Variants in GRHL2 observed in about 807,000 individuals in gnomAD.
GRHL2 encodes grainyhead like transcription factor 2.
In GRHL2, 21 loss-of-function variants were observed where a neutral mutation model predicts 83.8. The observed-to-expected ratio is 0.25, with a 90% confidence interval of 0.18 to 0.36. GRHL2 has a LOEUF of 0.36. Among genes scored for constraint, GRHL2 ranks in the 10% least tolerant of loss-of-function variants. GRHL2 has a pLI of 1.00. For synonymous variants in GRHL2, 280 were observed against 278.9 expected, an observed-to-expected ratio of 1.00 and a Z score of -0.04; for missense variants, 623 against 781.8, an observed-to-expected ratio of 0.80 and a Z score of 2.42.
intron 1 of GRHL2, among the ~76,000 whole-genome samples, chr8:101,503,430 A>G (rs1440597471): frequency 1.3e-5 from 2 of 152,260 alleles, no homozygotes; most frequent in Non-Finnish European, 1.5e-5. Context: ...TACAGATGAT[A>G]TAACAGAGAT....
chr8:101,506,429 AAG>A (rs1367835465), intron 1 of GRHL2, among the ~76,000 whole-genome samples: 2 of 152,218 alleles, frequency 1.3e-5, no homozygotes, highest in African/African-American at 2.4e-5. Context: ...TGGTTTTACA[AAG>A]AGTGTGCAAA....
At position 101,599,150 on chromosome 8, in the gene GRHL2, A is replaced by T. The variant is rs775204214; in HGVS notation, c.1097A>T (p.Lys366Met). The change falls in exon 8 of 16, where the codon AAG (lysine) becomes ATG (methionine). Residue 366 changes from lysine to methionine, a missense_variant and splice_region_variant. Physicochemically the swap from Lys to Met is moderately conservative, Grantham distance 95 (BLOSUM62 -1). This residue lies in a region of GRHL2 where 96 missense variants were observed against 144.8 expected (regional missense o/e 0.66). Transcript: ENST00000646743. ...SFTWDVNEEA[K>M]IFITVNCLST... ...ACCTGGGACGTGAATGAAGAGGCGA[A>T]GGTGAGTGACATTGATTCATTGTTT... 6.3e-7 allele frequency: 1 copy of T among 1,591,662 alleles called. No homozygotes were observed. The highest frequency in any genetic ancestry group is 1.1e-5 in the South Asian group (1 of 90,596).
chr8:101,498,815 C>A (rs536071159), intron 1 of GRHL2, among the ~76,000 whole-genome samples: 13 of 152,128 alleles, frequency 8.5e-5, no homozygotes, highest in Admixed American at 5.2e-4. Flanking sequence ...GTGGCTCATG[C>A]CTGTAATCCT....
At chr8:101,661,985 G>C (rs113030723) in intron 14 of GRHL2, among the ~76,000 whole-genome samples, 1 of 152,094 alleles carries the variant, frequency 6.6e-6, no homozygotes, top group African/African-American at 2.4e-5. Flanking sequence ...TTTGCTTTGC[G>C]CTTTGAAATT....
chr8:101,579,800 C>T (rs1173683628), intron 7 of GRHL2, among the ~76,000 whole-genome samples: 3 of 152,146 alleles, frequency 2.0e-5, no homozygotes, highest in African/African-American at 7.2e-5. Flanking sequence ...TCTGCTTTAA[C>T]TCTGGAGTGT....
At chr8:101,513,354 G>A (rs895576324) in intron 1 of GRHL2, among the ~76,000 whole-genome samples, 6 of 152,066 alleles carry the variant, frequency 3.9e-5, no homozygotes, top group African/African-American at 1.4e-4. Flanking sequence ...GCATTATGGT[G>A]AGGTATATAA....
chr8:101,664,540 A>C, intron 15 of GRHL2, 22 bp downstream of exon 15: 1 of 1,553,306 alleles, frequency 6.4e-7, no homozygotes, highest in Non-Finnish European at 8.9e-7. Context: ...ACTGAACTTA[A>C]ATTGACTTTC....
At chr8:101,599,599 G>C (rs973338444) in intron 8 of GRHL2, among the ~76,000 whole-genome samples, 2 of 152,232 alleles carry the variant, frequency 1.3e-5, no homozygotes, top group African/African-American at 4.8e-5. Flanking sequence ...GCAGGCTGCA[G>C]GTCCCTGAGC....
chr8:101,528,967 T>C (rs1003819507), intron 1 of GRHL2: 1 of 322,812 alleles, frequency 3.1e-6, no homozygotes, highest in Non-Finnish European at 6.1e-6. Context: ...CACGGGTACA[T>C]GGACTTGTTC....
chr8:101,507,996 G>A (rs181389223), intron 1 of GRHL2, among the ~76,000 whole-genome samples: 14 of 152,012 alleles, frequency 9.2e-5, no homozygotes, highest in Non-Finnish European at 1.6e-4. Flanking sequence ...ATGTTGGCCA[G>A]GCTGGTCTCG....
chr8:101,553,623 C>CTTTTT (rs1184533206), intron 3 of GRHL2, among the ~76,000 whole-genome samples: 47 of 106,830 alleles, frequency 4.4e-4, no homozygotes, highest in Middle Eastern at 5.9e-3. Flanking sequence ...TCATCCACTT[C>CTTTTT]TTTTTTTTTT....
At chr8:101,509,810 C>A (rs1586404701) in intron 1 of GRHL2, among the ~76,000 whole-genome samples, 1 of 151,960 alleles carries the variant, frequency 6.6e-6, no homozygotes, top group Admixed American at 6.5e-5. Context: ...GTGATCCAAG[C>A]TATATCTTCT....
intron 8 of GRHL2, among the ~76,000 whole-genome samples, chr8:101,607,385 C>T (rs1204252470): frequency 6.6e-6 from 1 of 152,196 alleles, no homozygotes; most frequent in Non-Finnish European, 1.5e-5. Context: ...CTCCTGAGTG[C>T]CCTGTGGGTT....
chr8:101,549,351 C>A (rs543730657), intron 2 of GRHL2, among the ~76,000 whole-genome samples: 1 of 152,292 alleles, frequency 6.6e-6, no homozygotes, highest in Non-Finnish European at 1.5e-5. Context: ...ATAATAGCAA[C>A]ACGACAAGAT....
chr8:101,603,766 C>G (rs2211918), intron 8 of GRHL2, among the ~76,000 whole-genome samples: 77,309 of 151,878 alleles, frequency 0.51, 21,577 homozygotes, highest in African/African-American at 0.74. Context: ...CTCAGGGTCT[C>G]TGCAGGCTGG....
intron 15 of GRHL2, among the ~76,000 whole-genome samples, chr8:101,665,515 C>T (rs1364334945): frequency 6.6e-6 from 1 of 152,146 alleles, no homozygotes; most frequent in Non-Finnish European, 1.5e-5. Flanking sequence ...CACTAAAATG[C>T]ACGTTATACT....
intron 13 of GRHL2, among the ~76,000 whole-genome samples, chr8:101,646,386 C>G (rs1195244348): frequency 2.0e-5 from 3 of 152,134 alleles, no homozygotes; most frequent in African/African-American, 7.2e-5. Flanking sequence ...GATTGTGAAA[C>G]CAGCACAAAA....
At chr8:101,528,674 C>T (rs191643864) in intron 1 of GRHL2, 1 of 209,320 alleles carries the variant, frequency 4.8e-6, no homozygotes, top group Non-Finnish European at 1.0e-5. Context: ...CAGGCAATCC[C>T]ATAGCGCGAG....
chr8:101,544,009 A>G (rs148038673), intron 2 of GRHL2: 3 of 170,678 alleles, frequency 1.8e-5, no homozygotes, highest in African/African-American at 4.8e-5. Flanking sequence ...CTTATTCGCT[A>G]TCACGAGAAC....
Sources: gnomAD v4.1 joint callset for allele counts (sites outside exome capture counted in the v4.1 genomes callset) on GRCh38, gnomAD v4.1.1 for gene constraint, gnomAD v4.1.1 regional missense constraint, MANE v1.5 for transcripts, NCBI Gene and HGNC (gene_info 2026-07-23, HGNC 2026-07-21) for gene names.